Variants in PIAS1 observed in about 807,000 individuals in gnomAD.
PIAS1 encodes the protein E3 SUMO-protein ligase PIAS1.
In PIAS1, 6 loss-of-function variants were observed where a neutral mutation model predicts 71.3. The ratio of observed to expected loss-of-function variants is 0.08; its 90% CI spans 0.05 to 0.17. The LOEUF (loss-of-function observed/expected upper bound fraction) is 0.17, where lower values mean the gene tolerates loss of function less well. Ranked by LOEUF, PIAS1 falls within the 10% of genes least tolerant of loss-of-function variation. The probability of loss-of-function intolerance (pLI) is 1.00; values close to 1 mark genes in which losing one functional copy is unlikely to be tolerated. For missense variants in PIAS1, 555 were observed against 793.6 expected, an observed-to-expected ratio of 0.70 and a Z score of 3.61; for synonymous variants, 303 against 292.9, an observed-to-expected ratio of 1.03 and a Z score of -0.35.
intron 1 of PIAS1, among the ~76,000 whole-genome samples, chr15:68,059,229 G>C (rs911092866): frequency 1.3e-5 from 2 of 151,718 alleles, no homozygotes; most frequent in Non-Finnish European, 2.9e-5. Context: ...GGATGGTCTC[G>C]ATCTCCTGAC....
intron 1 of PIAS1, among the ~76,000 whole-genome samples, chr15:68,079,044 CTT>C (rs34874800): frequency 0.48 from 69,139 of 143,350 alleles, 16,909 homozygotes; most frequent in Middle Eastern, 0.57. Context: ...GTTAATCCCT[CTT>C]TTTTTTTTTT....
chr15:68,150,585 G>A (rs2141058444), intron 6 of PIAS1, among the ~76,000 whole-genome samples: 1 of 152,246 alleles, frequency 6.6e-6, no homozygotes, highest in Non-Finnish European at 1.5e-5. Flanking sequence ...GAAGTAAATA[G>A]GAGAGCTAGT....
intron 4 of PIAS1, among the ~76,000 whole-genome samples, chr15:68,145,435 T>A (rs2092801366): frequency 6.6e-6 from 1 of 152,154 alleles, no homozygotes; most frequent in South Asian, 2.1e-4. Flanking sequence ...CTCTGAAAAG[T>A]TCTGTATTAA....
intron 1 of PIAS1, among the ~76,000 whole-genome samples, chr15:68,065,372 T>C (rs1024400898): frequency 1.4e-4 from 21 of 151,978 alleles, no homozygotes; most frequent in African/African-American, 5.1e-4. Flanking sequence ...GGCAGAGTGC[T>C]TAAGCTCAGG....
rs1595796201 is a variant in PIAS1 at position 68,181,461 on chromosome 15, A to G, written c.1624+107A>G. ...GGAAGAACTGGAAGACTGAGCCAAC[A>G]GGGCCTTGGACCCAGGGAACTGAGA... is the stretch of plus-strand genomic sequence containing the variant. On this transcript the variant is annotated intron_variant, in intron 12 of 13. Transcript: ENST00000249636. The G allele has an allele frequency of 5.6e-6, 6 of 1,075,472 alleles. No homozygotes were observed. In the East Asian group the frequency reaches 1.3e-4, roughly 22 times the overall value. The allele number at this position is 1,075,472 out of a possible 1,614,324, so 66.6% of individuals were successfully genotyped here.
intron 1 of PIAS1, among the ~76,000 whole-genome samples, chr15:68,066,723 A>G (rs1193776694): frequency 6.6e-6 from 1 of 152,144 alleles, no homozygotes; most frequent in African/African-American, 2.4e-5. Flanking sequence ...TGGAAAAGGA[A>G]TATTTTTGTC....
intron 2 of PIAS1, among the ~76,000 whole-genome samples, chr15:68,119,734 C>T (rs1463114963): frequency 2.0e-5 from 3 of 152,068 alleles, no homozygotes; most frequent in Non-Finnish European, 2.9e-5. Context: ...ATTTCCTGTC[C>T]AGTTGTTCTA....
intron 1 of PIAS1, among the ~76,000 whole-genome samples, chr15:68,075,424 CTT>C (rs1358567083): frequency 6.6e-6 from 1 of 152,108 alleles, no homozygotes; most frequent in Non-Finnish European, 1.5e-5. Flanking sequence ...ACTGTAGTAA[CTT>C]TGTAAATTTT....
chr15:68,183,595 T>C (rs776216305), intron 12 of PIAS1, 35 bp from the exon 13 acceptor site: 8 of 915,496 alleles, frequency 8.7e-6, no homozygotes, highest in Non-Finnish European at 1.2e-5. Flanking sequence ...TTTCCTTCTT[T>C]TTTTTTTAAA....
intron 2 of PIAS1, among the ~76,000 whole-genome samples, chr15:68,125,082 A>G (rs1287689047): frequency 6.6e-6 from 1 of 152,190 alleles, no homozygotes; most frequent in Non-Finnish European, 1.5e-5. Context: ...ACTATTTGTA[A>G]GTGAGCAATG....
At chr15:68,089,250 A>G (rs180733806) in intron 2 of PIAS1, among the ~76,000 whole-genome samples, 193 of 152,360 alleles carry the variant, frequency 1.3e-3, no homozygotes, top group African/African-American at 4.4e-3. Context: ...TCTTTAAAAC[A>G]ATTTAAAATA....
intron 2 of PIAS1, among the ~76,000 whole-genome samples, chr15:68,090,605 A>T (rs1288592077): frequency 6.6e-6 from 1 of 152,214 alleles, no homozygotes; most frequent in South Asian, 2.1e-4. Flanking sequence ...CTTTTATTTC[A>T]TTTTAATTCA....
intron 1 of PIAS1, chr15:68,057,506 A>C (rs766136753): frequency 2.7e-5 from 12 of 445,034 alleles, no homozygotes; most frequent in South Asian, 1.6e-4. Context: ...GAAGAAGTCC[A>C]TCAGCATTTT....
chr15:68,119,158 G>A (rs1209284492), intron 2 of PIAS1, among the ~76,000 whole-genome samples: 11 of 148,328 alleles, frequency 7.4e-5, no homozygotes, highest in Non-Finnish European at 1.3e-4. Flanking sequence ...CCAGCATTTC[G>A]GGAGGCCGAG....
At chr15:68,138,381 A>G (rs1465502474) in intron 2 of PIAS1, among the ~76,000 whole-genome samples, 3 of 152,094 alleles carry the variant, frequency 2.0e-5, no homozygotes, top group Non-Finnish European at 4.4e-5. Flanking sequence ...TTATCCTCCC[A>G]TTGGGATAGG....
At chr15:68,108,020 C>T (rs1465398108) in intron 2 of PIAS1, among the ~76,000 whole-genome samples, 10 of 152,126 alleles carry the variant, frequency 6.6e-5, no homozygotes, top group Admixed American at 6.6e-4. Flanking sequence ...CTAGCATAAG[C>T]ATAAAAGCTA....
At chr15:68,182,359 A>C (rs546840881) in intron 12 of PIAS1, among the ~76,000 whole-genome samples, 1 of 150,534 alleles carries the variant, frequency 6.6e-6, no homozygotes, top group Admixed American at 6.7e-5. Flanking sequence ...AAAATTCAAC[A>C]CAGAAACATA....
At position 68,188,023 on chromosome 15, in the gene PIAS1, G is replaced by A. The variant is rs2093099372; in HGVS notation, c.*188G>A. On this transcript the variant is annotated 3_prime_UTR_variant, in exon 14 of 14. Coordinates refer to ENST00000249636, the MANE Select transcript of PIAS1 (RefSeq NM_016166.3). ...AAACTATATTTTCAGTTTTACTTTTGTATATAAATCTAAGACTGCCTGTGT... is the reference window on the plus strand; with the variant it reads ...AAACTATATTTTCAGTTTTACTTTTATATATAAATCTAAGACTGCCTGTGT... 4.4e-6 allele frequency: 2 copies of A among 456,380 alleles called. No homozygotes were observed. Among genetic ancestry groups the A allele is most frequent in the African/African-American group, 2.0e-5 (1 of 50,930 alleles). 28.3% of individuals were successfully genotyped at this position (456,380 alleles called of 1,614,324 possible).
At position 68,188,075 on chromosome 15, in the gene PIAS1, AGG is replaced by A; in HGVS notation, c.*241_*242del. 3.4e-6 allele frequency: 1 copy of A among 298,406 alleles called. No homozygotes were observed. 18.5% of individuals were successfully genotyped at this position (298,406 alleles called of 1,614,324 possible). On this transcript the variant is annotated 3_prime_UTR_variant, in exon 14 of 14. Transcript: ENST00000249636. The stretch of plus-strand genomic sequence containing the variant: ...ATAAAACACTTGTTTAAAAAAAAAA[AGG>A]AAAGAAAAGAAAAAAGAAAAACAAG...
Sources: gnomAD v4.1 joint callset for allele counts (sites outside exome capture counted in the v4.1 genomes callset) on GRCh38, gnomAD v4.1.1 for gene constraint, MANE v1.5 for transcripts, NCBI Gene and HGNC (gene_info 2026-07-23, HGNC 2026-07-21) for gene names.